Variants in VCPIP1 observed in about 807,000 individuals in gnomAD.
VCPIP1 encodes deubiquitinating protein VCPIP1.
VCPIP1 carries 8 observed loss-of-function variants against 85.0 expected under a neutral mutation model. That is an observed-to-expected ratio of 0.09 (90% CI 0.06 to 0.17). The LOEUF is 0.17. Ranked by LOEUF, VCPIP1 falls within the 10% of genes least tolerant of loss-of-function variation. The pLI, the probability that VCPIP1 is intolerant of heterozygous loss-of-function variation, is 1.00. For synonymous variants in VCPIP1, 543 were observed against 544.5 expected (o/e 1.00, Z 0.04); for missense variants, 1,070 against 1,486.3 (o/e 0.72, Z 4.61).
intron 2 of VCPIP1, among the ~76,000 whole-genome samples, chr8:66,636,455 G>C (rs1210012780): frequency 1.3e-5 from 2 of 151,900 alleles, no homozygotes; most frequent in East Asian, 3.9e-4. Flanking sequence ...TTAAAATTTA[G>C]ATAAATAGGC....
intron 2 of VCPIP1, among the ~76,000 whole-genome samples, chr8:66,638,640 G>C (rs141219522): frequency 6.6e-6 from 1 of 152,024 alleles, no homozygotes; most frequent in Non-Finnish European, 1.5e-5. Context: ...TTAGCCAGGC[G>C]TGGTGGCGGG....
In VCPIP1 at chr8:66,666,275, T is replaced by G. The variant is rs1467775538; in HGVS notation, c.684A>C (p.Leu228=). ...CATGCCAGAAGAGCTCTCGGCCTACTAGAGCCCGAGACACAGCATGCACCA... is the reference window on the plus strand; with the variant it reads ...CATGCCAGAAGAGCTCTCGGCCTACGAGAGCCCGAGACACAGCATGCACCA... ...HCLVHAVSRA[L]VGRELFWHAL... is the part of the protein sequence containing the mutation. The change falls in exon 1 of 3, where the codon CTA becomes CTC. Residue 228 remains leucine (L), a synonymous_variant. Coordinates refer to ENST00000310421, the MANE Select transcript of VCPIP1 (RefSeq NM_025054.5). This position sits in a 1 kb window ranked among gnomAD's most constrained non-coding sequence, Gnocchi z 6.3. 3.7e-6 allele frequency: 6 copies of G among 1,613,954 alleles called. No individual in the cohort carries two copies. The African/African-American group carries it at 8.0e-5, about 22-fold the overall frequency.
chr8:66,643,643 C>T (rs1476656218), intron 2 of VCPIP1, among the ~76,000 whole-genome samples: 1 of 149,590 alleles, frequency 6.7e-6, no homozygotes, highest in Non-Finnish European at 1.5e-5. Flanking sequence ...GCGGAGGTTG[C>T]AGTAAGCCAA....
chr8:66,661,826 C>T (rs1250337201), intron 1 of VCPIP1, among the ~76,000 whole-genome samples: 4 of 148,520 alleles, frequency 2.7e-5, no homozygotes, highest in Non-Finnish European at 6.0e-5. Flanking sequence ...TGCAGTGGCA[C>T]GATCTCGGCT....
At chr8:66,641,159 T>G (rs1424935351) in intron 2 of VCPIP1, among the ~76,000 whole-genome samples, 1 of 152,170 alleles carries the variant, frequency 6.6e-6, no homozygotes, top group Non-Finnish European at 1.5e-5. Context: ...CATGAAGGGT[T>G]GAGAGCTGCG....
chr8:66,662,239 T>C (rs960004808), intron 1 of VCPIP1, among the ~76,000 whole-genome samples: 4 of 152,188 alleles, frequency 2.6e-5, no homozygotes, highest in Non-Finnish European at 1.5e-5. Flanking sequence ...CTGATGAACA[T>C]GGAAATCAGG....
chr8:66,642,761 T>C (rs1252296606), intron 2 of VCPIP1, among the ~76,000 whole-genome samples: 1 of 152,176 alleles, frequency 6.6e-6, no homozygotes, highest in Non-Finnish European at 1.5e-5. Context: ...CAAAACTATT[T>C]TGAAAATAGT....
chr8:66,635,422 A>G (rs1023613904), intron 2 of VCPIP1, 50 bp from the exon 3 acceptor site: 3 of 1,489,868 alleles, frequency 2.0e-6, no homozygotes, highest in Admixed American at 2.2e-5. Context: ...AGGTATTAAT[A>G]AAAGTGTAGT....
intron 1 of VCPIP1, among the ~76,000 whole-genome samples, chr8:66,658,269 G>A (rs1811119054): frequency 6.6e-6 from 1 of 151,046 alleles, no homozygotes; most frequent in Non-Finnish European, 1.5e-5. Context: ...GGGAGGCAGA[G>A]GTTGCAGTGA....
In VCPIP1 at chr8:66,632,046, TATA is replaced by T. The variant is rs903176712; in HGVS notation, c.*2452_*2454del. On this transcript the variant is annotated 3_prime_UTR_variant, in exon 3 of 3. Transcript: ENST00000310421. ...CAGAATTGCAGGAATGCATTTTAGT[TATA>T]ATGTTACCTCTAGGGCTAAAAAAAA... 6.6e-6 allele frequency: 1 copy of T among 151,078 alleles called. No homozygotes were observed. The highest frequency in any genetic ancestry group is 1.5e-5 in the Non-Finnish European group (1 of 67,758). 9.4% of individuals were successfully genotyped at this position (151,078 alleles called of 1,614,324 possible). A position where few individuals can be genotyped will look rare whatever the true frequency, so the allele number is the denominator to read the frequency against.
chr8:66,650,553 TACAA>T (rs1227204185), intron 2 of VCPIP1, among the ~76,000 whole-genome samples: 1 of 152,196 alleles, frequency 6.6e-6, no homozygotes, highest in African/African-American at 2.4e-5. Flanking sequence ...AGTCTATCTT[TACAA>T]ACAATGTATG....
In VCPIP1 at chr8:66,634,617, C is replaced by A; in HGVS notation, c.3553G>T (p.Ala1185Ser). Residue 1185 changes from alanine (A) to serine (S), a missense_variant, in exon 3 of 3, where the codon GCA (alanine) becomes TCA (serine). Around this residue, in one of 8 missense-constraint regions of VCPIP1, gnomAD observed 255 missense variants for 289.5 expected, o/e 0.88. Coordinates refer to ENST00000310421, the MANE Select transcript of VCPIP1 (RefSeq NM_025054.5). ...GCTTTTGACCTTGTGGCAAAGGCTG[C>A]TCCCAGTGCATCTGCTACACAGCCA... ...TDGCVADALG[A>S]AFATRSKAQR... 6.2e-7 allele frequency: 1 copy of A among 1,614,226 alleles called. No individual in the cohort carries two copies. The highest frequency in any genetic ancestry group is 8.5e-7 in the Non-Finnish European group (1 of 1,180,042).
At chr8:66,656,356 G>A (rs745788720) in intron 1 of VCPIP1, among the ~76,000 whole-genome samples, 9 of 151,900 alleles carry the variant, frequency 5.9e-5, no homozygotes, top group Non-Finnish European at 1.2e-4. Context: ...CACCACAGCC[G>A]CTAAGTTTAT....
At chr8:66,641,551 G>A (rs2130153524) in intron 2 of VCPIP1, among the ~76,000 whole-genome samples, 1 of 152,166 alleles carries the variant, frequency 6.6e-6, no homozygotes, top group African/African-American at 2.4e-5. Context: ...ACAAAGTTGT[G>A]GAACTTTTAG....
At chr8:66,647,677 T>C (rs140735855) in intron 2 of VCPIP1, among the ~76,000 whole-genome samples, 120 of 152,202 alleles carry the variant, frequency 7.9e-4, no homozygotes, top group African/African-American at 2.5e-3. Context: ...GTATGACTCA[T>C]GGTCAACTGA....
rs868365448 is a variant in VCPIP1 at position 66,638,502 on chromosome 8, A to G, written c.2798-3130T>C. On this transcript the variant is annotated intron_variant, in intron 2 of 2. Transcript: ENST00000310421. ...TCTCAAAAAAAAAAAAAAAAAGGCCAGGCGCGGTGGCTCACGCCTGTAATC... is the reference window on the plus strand; with the variant it reads ...TCTCAAAAAAAAAAAAAAAAAGGCCGGGCGCGGTGGCTCACGCCTGTAATC... Among the ~76,000 whole-genome samples the G allele has an allele frequency of 4.1e-3, 554 of 135,066 alleles. 4 individuals carry two copies. Among genetic ancestry groups the G allele is most frequent in the African/African-American group, 0.013 (464 of 35,538 alleles). 88.6% of individuals were successfully genotyped at this position (135,066 alleles called of 152,430 possible). A position where few individuals can be genotyped will look rare whatever the true frequency, so the allele number is the denominator to read the frequency against.
intron 2 of VCPIP1, among the ~76,000 whole-genome samples, chr8:66,650,260 G>T (rs779996686): frequency 6.6e-6 from 1 of 152,098 alleles, no homozygotes; most frequent in Non-Finnish European, 1.5e-5. Context: ...GGTAAATGGG[G>T]ATTCATTACA....
intron 2 of VCPIP1, among the ~76,000 whole-genome samples, chr8:66,642,158 A>G (rs1459469265): frequency 6.6e-6 from 1 of 151,874 alleles, no homozygotes; most frequent in East Asian, 1.9e-4. Flanking sequence ...ATACCATCCC[A>G]TTTTTCTTTT....
intron 2 of VCPIP1, among the ~76,000 whole-genome samples, chr8:66,646,467 A>AGG (rs1810996694): frequency 6.6e-6 from 1 of 152,206 alleles, no homozygotes; most frequent in African/African-American, 2.4e-5. Context: ...AAATCCTGGC[A>AGG]GACTCTTTTT....
Sources: allele counts gnomAD v4.1 joint callset (sites outside exome capture counted in the v4.1 genomes callset), GRCh38; gene constraint gnomAD v4.1.1; regional missense constraint gnomAD v4.1.1; non-coding constraint Gnocchi (gnomAD v3.1); transcripts MANE v1.5; gene names NCBI Gene and HGNC (gene_info 2026-07-23, HGNC 2026-07-21).